The following CPSF2 variants were observed in gnomAD, a reference collection of about 807,000 sequenced individuals.
The protein encoded by CPSF2 is cleavage and polyadenylation specificity factor subunit 2.
CPSF2 carries 51 observed loss-of-function variants against 84.2 expected under a neutral mutation model. The ratio of observed to expected loss-of-function variants is 0.61; its 90% CI spans 0.48 to 0.77. The LOEUF is 0.77. Among genes scored for constraint, CPSF2 ranks in the 30% least tolerant of loss-of-function variants. The pLI is 0.00. For missense variants in CPSF2, 641 were observed against 929.4 expected, an observed-to-expected ratio of 0.69 and a Z score of 4.03; for synonymous variants, 286 against 311.9, an observed-to-expected ratio of 0.92 and a Z score of 0.87.
chr14:92,150,495 A>G (rs779416658), intron 9 of CPSF2, among the ~76,000 whole-genome samples: 6 of 150,720 alleles, frequency 4.0e-5, no homozygotes, highest in Non-Finnish European at 5.9e-5. Context: ...AGGCACAATC[A>G]TGGCTCACCA....
At chr14:92,133,139 G>T (rs562621975) in intron 3 of CPSF2, among the ~76,000 whole-genome samples, 31 of 151,310 alleles carry the variant, frequency 2.0e-4, no homozygotes, top group African/African-American at 7.3e-4. Context: ...TCAACTTATG[G>T]CCGGGCGTGG....
chr14:92,143,798 A>G (rs1277391712), intron 9 of CPSF2, among the ~76,000 whole-genome samples: 1 of 151,756 alleles, frequency 6.6e-6, no homozygotes, highest in Non-Finnish European at 1.5e-5. Flanking sequence ...TTTTGGAAAG[A>G]CGTTGTCTCA....
chr14:92,142,970 T>C, intron 8 of CPSF2, 34 bp from the exon 9 acceptor site: 1 of 1,518,384 alleles, frequency 6.6e-7, no homozygotes, highest in Non-Finnish European at 9.0e-7. Context: ...TAATATAGTA[T>C]TTCTAATTCT....
At chr14:92,129,616 G>A (rs1057496109) in intron 2 of CPSF2, among the ~76,000 whole-genome samples, 6 of 152,178 alleles carry the variant, frequency 3.9e-5, no homozygotes, top group African/African-American at 1.4e-4. Context: ...AATCTGAAAT[G>A]TTGCTGTGGA....
chr14:92,147,771 T>C (rs988282696), intron 9 of CPSF2, among the ~76,000 whole-genome samples: 6 of 152,348 alleles, frequency 3.9e-5, no homozygotes, highest in Middle Eastern at 3.4e-3. Context: ...TCACCCAGGC[T>C]GGAGTGCAGT....
intron 9 of CPSF2, among the ~76,000 whole-genome samples, chr14:92,151,260 G>A (rs1057368255): frequency 1.3e-5 from 2 of 152,016 alleles, no homozygotes; most frequent in African/African-American, 4.8e-5. Context: ...GCATGGTGGT[G>A]CACATCTGTG....
intron 3 of CPSF2, among the ~76,000 whole-genome samples, chr14:92,132,716 G>A (rs2068948230): frequency 6.6e-6 from 1 of 150,628 alleles, no homozygotes; most frequent in Non-Finnish European, 1.5e-5. Context: ...AGGTTGCAGT[G>A]AGCCAAGATC....
intron 3 of CPSF2, among the ~76,000 whole-genome samples, chr14:92,132,062 G>A (rs1039492926): frequency 9.2e-5 from 14 of 151,882 alleles, no homozygotes; most frequent in African/African-American, 3.4e-4. Flanking sequence ...GAAAAAGCTG[G>A]GACAAAAATC....
rs2069507829 is a variant in CPSF2, at chr14:92,170,788, CT to C, written c.*9045del. On this transcript the variant is annotated 3_prime_UTR_variant, in exon 16 of 16. Coordinates refer to ENST00000298875, the MANE Select transcript of CPSF2 (RefSeq NM_017437.3). ...CAGAGAGGTGATGCTGTCTTCTTCTCTGCATTGTATCAGGAGGCACATCATG... is the reference window on the plus strand; with the variant it reads ...CAGAGAGGTGATGCTGTCTTCTTCTCGCATTGTATCAGGAGGCACATCATG... 1 of 152,198 alleles carries C rather than the reference CT, an allele frequency of 6.6e-6. No individual in the cohort carries two copies. The highest frequency in any genetic ancestry group is 1.5e-5 in the Non-Finnish European group (1 of 68,042). The allele number at this position is 152,198 out of a possible 1,614,324, so 9.4% of individuals were successfully genotyped here. A position where few individuals can be genotyped will look rare whatever the true frequency, so the allele number is the denominator to read the frequency against.
At chr14:92,128,551 G>C (rs2068872212) in intron 2 of CPSF2, among the ~76,000 whole-genome samples, 1 of 152,228 alleles carries the variant, frequency 6.6e-6, no homozygotes, top group Non-Finnish European at 1.5e-5. Flanking sequence ...TGCATGATTG[G>C]AGTTAATCAG....
Position 92,135,468 on chromosome 14 carries a change from G to A in CPSF2, c.517G>A (p.Ala173Thr). Residue 173 changes from alanine to threonine, a missense_variant, in exon 6 of 16, where the codon GCA becomes ACA. Around this residue, in one of 2 missense-constraint regions of CPSF2, gnomAD observed 211 missense variants for 375.7 expected, o/e 0.56. Transcript: ENST00000298875. ...AGATGGAGAAGAAGAAATTGTTTAT[G>A]CAGTTGACTTCAACCACAAGAGGGA... is the stretch of plus-strand genomic sequence containing the variant. ...VKDGEEEIVY[A>T]VDFNHKREIH... 1 of 1,613,536 alleles carries A rather than the reference G, an allele frequency of 6.2e-7. No individual in the cohort carries two copies. Among genetic ancestry groups the A allele is most frequent in the South Asian group, 1.1e-5 (1 of 91,012 alleles).
chr14:92,137,516 T>G (rs1219854508), intron 6 of CPSF2, among the ~76,000 whole-genome samples: 1 of 152,208 alleles, frequency 6.6e-6, no homozygotes, highest in African/African-American at 2.4e-5. Flanking sequence ...TCCAAAATTA[T>G]TTTTAAATGG....
chr14:92,145,060 G>A (rs2069125734), intron 9 of CPSF2, among the ~76,000 whole-genome samples: 1 of 152,098 alleles, frequency 6.6e-6, no homozygotes, highest in Non-Finnish European at 1.5e-5. Flanking sequence ...CAAATCTATC[G>A]ATTTTTCAAA....
At chr14:92,144,773 A>G (rs747068450) in intron 9 of CPSF2, among the ~76,000 whole-genome samples, 1 of 152,250 alleles carries the variant, frequency 6.6e-6, no homozygotes, top group Non-Finnish European at 1.5e-5. Context: ...AGCATTTGGT[A>G]GGATGTTCCC....
intron 3 of CPSF2, among the ~76,000 whole-genome samples, chr14:92,133,085 A>G (rs978584481): frequency 6.8e-6 from 1 of 147,692 alleles, no homozygotes; most frequent in African/African-American, 2.5e-5. Context: ...GCGAGACTAC[A>G]TCTCCAAAAG....
rs2069441079 is a variant in CPSF2, at chr14:92,165,903, C to T, written c.*4159C>T. 1 of 109,042 alleles carries T rather than the reference C, an allele frequency of 9.2e-6. No individual in the cohort carries two copies. The highest frequency in any genetic ancestry group is 1.1e-4 in the Admixed American group (1 of 8,864). 6.8% of individuals were successfully genotyped at this position (109,042 alleles called of 1,614,324 possible). Reference sequence around the variant, plus strand: ...TTGAGATGGAGTCTTGCTTTGTCACCCAGGCTGGAGTGCAGTGGCGCGGTC... The same window carrying T: ...TTGAGATGGAGTCTTGCTTTGTCACTCAGGCTGGAGTGCAGTGGCGCGGTC... On this transcript the variant is annotated 3_prime_UTR_variant, in exon 16 of 16. Coordinates refer to ENST00000298875, the MANE Select transcript of CPSF2 (RefSeq NM_017437.3).
intron 6 of CPSF2, among the ~76,000 whole-genome samples, chr14:92,136,557 G>T (rs1216634925): frequency 6.6e-6 from 1 of 152,194 alleles, no homozygotes; most frequent in Non-Finnish European, 1.5e-5. Context: ...CAATTAAGCA[G>T]CTGACCAATT....
intron 1 of CPSF2, among the ~76,000 whole-genome samples, chr14:92,125,444 G>A (rs533240011): frequency 1.3e-5 from 2 of 152,118 alleles, no homozygotes; most frequent in Non-Finnish European, 1.5e-5. Flanking sequence ...AATCAGTAAC[G>A]TTAGGAAGGG....
At chr14:92,141,398 C>T (rs1423850274) in intron 7 of CPSF2, among the ~76,000 whole-genome samples, 1 of 152,104 alleles carries the variant, frequency 6.6e-6, no homozygotes, top group African/African-American at 2.4e-5. Context: ...GTGGCACAAT[C>T]ACGACTCTCT....
Sources: gnomAD v4.1 joint callset for allele counts (sites outside exome capture counted in the v4.1 genomes callset) on GRCh38, gnomAD v4.1.1 for gene constraint, gnomAD v4.1.1 regional missense constraint, MANE v1.5 for transcripts, NCBI Gene and HGNC (gene_info 2026-07-23, HGNC 2026-07-21) for gene names.